NELL2: variants seen among roughly 807,000 people sequenced by gnomAD.
NELL2 encodes protein kinase C-binding protein NELL2.
Under a neutral mutation model 109.6 loss-of-function variants are expected in NELL2, and 41 were observed. The observed-to-expected ratio is 0.37, with a 90% CI of 0.29 to 0.49. The LOEUF (loss-of-function observed/expected upper bound fraction) is 0.49, where lower values mean the gene tolerates loss of function less well. NELL2 is among the 20% of genes least tolerant of loss of function. NELL2 has a pLI of 0.98. For missense variants in NELL2, 900 were observed against 1,008.3 expected, an observed-to-expected ratio of 0.89 and a Z score of 1.45; for synonymous variants, 355 against 344.7, an observed-to-expected ratio of 1.03 and a Z score of -0.33.
chr12:44,711,865 C>T (rs1244859454), intron 10 of NELL2, among the ~76,000 whole-genome samples: 2 of 151,982 alleles, frequency 1.3e-5, no homozygotes, highest in African/African-American at 4.8e-5. Context: ...GGATGTCTTC[C>T]ACAAAACTAC....
At chr12:44,669,700 A>T (rs1305846520) in intron 12 of NELL2, among the ~76,000 whole-genome samples, 3 of 152,168 alleles carry the variant, frequency 2.0e-5, no homozygotes, top group African/African-American at 7.2e-5. Context: ...TCAGACCAAA[A>T]ATCAAAAGAA....
Position 44,777,285 on chromosome 12 carries a change from G to A in NELL2, c.636C>T (p.Val212=), listed in dbSNP as rs1592512225. 4.3e-6 allele frequency: 7 copies of A among 1,613,748 alleles called. No homozygotes were observed. Among genetic ancestry groups the A allele is most frequent in the Non-Finnish European group, 5.9e-6 (7 of 1,179,706 alleles). The part of the protein sequence containing the change: ...KGIMQDVQLL[V]MPQGFIAQCP... ...ACTGAGCAATAAATCCCTGGGGCAT[G>A]ACAAGTAATTGGACATCTTGCATTA... The change falls in exon 6 of 20, where the codon GTC becomes GTT. Residue 212 remains valine, a synonymous_variant. Coordinates refer to ENST00000429094, the MANE Select transcript of NELL2 (RefSeq NM_001145108.2).
chr12:44,806,121 A>C (rs550130561), intron 3 of NELL2, among the ~76,000 whole-genome samples: 1 of 150,252 alleles, frequency 6.7e-6, no homozygotes, highest in Admixed American at 6.7e-5. Context: ...ACATAAAAAA[A>C]CCATAAAAAC....
At chr12:44,747,925 A>G (rs1940467145) in intron 9 of NELL2, among the ~76,000 whole-genome samples, 1 of 152,144 alleles carries the variant, frequency 6.6e-6, no homozygotes, top group Non-Finnish European at 1.5e-5. Flanking sequence ...TTCTCCCGAT[A>G]AATTCATTTG....
chr12:44,707,720 A>G (rs555347914), intron 11 of NELL2, among the ~76,000 whole-genome samples: 11 of 152,332 alleles, frequency 7.2e-5, no homozygotes. Flanking sequence ...CCAGCAAATA[A>G]TCCTATTATT....
At chr12:44,853,593 C>T (rs754115564) in intron 2 of NELL2, among the ~76,000 whole-genome samples, 9 of 152,154 alleles carry the variant, frequency 5.9e-5, no homozygotes, top group Admixed American at 2.0e-4. Context: ...TTGAATTAAA[C>T]GATCTATTAG....
intron 12 of NELL2, among the ~76,000 whole-genome samples, chr12:44,672,850 G>A (rs1450356798): frequency 3.3e-5 from 5 of 152,192 alleles, no homozygotes; most frequent in African/African-American, 9.7e-5. Flanking sequence ...AGAGGCTTAG[G>A]AGACAGTGAC....
chr12:44,647,158 A>T (rs1244312775), intron 13 of NELL2, among the ~76,000 whole-genome samples: 1 of 152,138 alleles, frequency 6.6e-6, no homozygotes, highest in African/African-American at 2.4e-5. Flanking sequence ...AGTGGGTAGC[A>T]GGGCCCCTAT....
chr12:44,627,888 T>G (rs1461170088), intron 13 of NELL2, among the ~76,000 whole-genome samples: 1 of 152,208 alleles, frequency 6.6e-6, no homozygotes, highest in South Asian at 2.1e-4. Context: ...ATTTTGCAAA[T>G]AAGTGGTTCC....
At chr12:44,632,461 T>C (rs1414265878) in intron 13 of NELL2, among the ~76,000 whole-genome samples, 1 of 152,132 alleles carries the variant, frequency 6.6e-6, no homozygotes, top group Non-Finnish European at 1.5e-5. Context: ...AACAACCTAT[T>C]GAAAATTCCA....
chr12:44,799,244 C>T lies in NELL2; in HGVS notation c.335+16742G>A, dbSNP rs141214298. ...AAGTGCTGGGACTACAGGTGTGAGA[C>T]ACCGTGCCCGGCCCGATTTCCACTT... On this transcript the variant is annotated intron_variant, in intron 3 of 19. Coordinates refer to ENST00000429094, the MANE Select transcript of NELL2 (RefSeq NM_001145108.2). Among the ~76,000 whole-genome samples the T allele has an allele frequency of 1.9e-3, 292 of 152,158 alleles. 1 individual carries two copies. Among genetic ancestry groups the T allele is most frequent in the Non-Finnish European group, 3.7e-3 (252 of 67,988 alleles).
chr12:44,589,734 G>C (rs1592166972), intron 15 of NELL2, among the ~76,000 whole-genome samples: 2 of 152,116 alleles, frequency 1.3e-5, no homozygotes, highest in Non-Finnish European at 2.9e-5. Context: ...TAGTAATCTT[G>C]GCTTTGTTTG....
At position 44,718,367 on chromosome 12, in the gene NELL2, G is replaced by C. The variant is rs1470188392; in HGVS notation, c.995-3626C>G. Among the ~76,000 whole-genome samples the C allele has an allele frequency of 2.6e-5, 4 of 152,170 alleles. No individual in the cohort carries two copies. The South Asian group carries it at 8.3e-4, about 31-fold the overall frequency. On this transcript the variant is annotated intron_variant, in intron 9 of 19. Coordinates refer to ENST00000429094, the MANE Select transcript of NELL2 (RefSeq NM_001145108.2). ...TGCCTTCTAACCTCTCCCCAGTAGA[G>C]TATAAAGTAAGAAAATTCACTTCCT...
intron 9 of NELL2, among the ~76,000 whole-genome samples, chr12:44,744,856 C>A (rs1310743385): frequency 1.3e-5 from 2 of 152,172 alleles, no homozygotes; most frequent in Non-Finnish European, 2.9e-5. Context: ...GGATTCACAG[C>A]TGAATTCTAC....
chr12:44,901,600 A>G (rs995219155), intron 1 of NELL2, among the ~76,000 whole-genome samples: 1 of 152,224 alleles, frequency 6.6e-6, no homozygotes, highest in African/African-American at 2.4e-5. Context: ...CACACACAAA[A>G]AAGAAAATTT....
intron 15 of NELL2, among the ~76,000 whole-genome samples, chr12:44,592,032 T>G (rs953904077): frequency 6.6e-6 from 1 of 152,114 alleles, no homozygotes; most frequent in African/African-American, 2.4e-5. Flanking sequence ...AAGGAGAGTT[T>G]TTCGGAAGAG....
chr12:44,566,140 G>A (rs1943649266), intron 15 of NELL2, among the ~76,000 whole-genome samples: 1 of 152,102 alleles, frequency 6.6e-6, no homozygotes, highest in Non-Finnish European at 1.5e-5. Context: ...AGATTCAAAA[G>A]CTAGTTTGAA....
rs563405976 is a variant in NELL2 at position 44,876,272 on chromosome 12, C to A, written c.-403G>T. 3.5e-6 allele frequency: 4 copies of A among 1,158,290 alleles called. No homozygotes were observed. The highest frequency in any genetic ancestry group is 3.0e-5 in the South Asian group (1 of 33,688). 71.8% of individuals were successfully genotyped at this position (1,158,290 alleles called of 1,614,324 possible). A position where few individuals can be genotyped will look rare whatever the true frequency, so the allele number is the denominator to read the frequency against. On this transcript the variant is annotated 5_prime_UTR_variant, in exon 1 of 20. Transcript: ENST00000429094. ...CGGGCTGGGGCGGCCCCGCACCCCC[C>A]CGTCTTCCCCGCCGCCCGAACCTGT...
At chr12:44,591,650 T>C (rs543292604) in intron 15 of NELL2, among the ~76,000 whole-genome samples, 2 of 152,278 alleles carry the variant, frequency 1.3e-5, no homozygotes, top group Admixed American at 6.5e-5. Flanking sequence ...GTTTAAAGGA[T>C]ACAAAATTAC....
Sources: gnomAD v4.1 joint callset for allele counts (sites outside exome capture counted in the v4.1 genomes callset) on GRCh38, gnomAD v4.1.1 for gene constraint, MANE v1.5 for transcripts, NCBI Gene and HGNC (gene_info 2026-07-23, HGNC 2026-07-21) for gene names.